Variants in LYST observed in about 807,000 individuals in gnomAD.
LYST encodes lysosomal trafficking regulator.
LYST carries 192 observed loss-of-function variants against 413.6 expected under a neutral mutation model. The ratio of observed to expected loss-of-function variants is 0.46; its 90% CI spans 0.41 to 0.52. The LOEUF is 0.52. Ranked by LOEUF, LYST falls within the 20% of genes least tolerant of loss-of-function variation. The pLI, the probability that LYST is intolerant of heterozygous loss-of-function variation, is 0.00. For synonymous variants in LYST, 1,525 were observed against 1,567.3 expected (o/e 0.97, Z 0.64); for missense variants, 3,815 against 4,499.9 (o/e 0.85, Z 4.35).
At chr1:235,872,809 A>G (rs1388267840) in intron 1 of LYST, among the ~76,000 whole-genome samples, 1 of 152,100 alleles carries the variant, frequency 6.6e-6, no homozygotes, top group Non-Finnish European at 1.5e-5. Context: ...CCAGCTACTC[A>G]GGAGGCTTAG....
chr1:235,661,277 A>G lies in LYST; in HGVS notation c.*1663T>C, dbSNP rs1658028689. ...TATTCTGCATATTTTCTCTTTAGAT[A>G]AATGATGAAATTCGGTTTTTAAAAA... On this transcript the variant is annotated 3_prime_UTR_variant, in exon 53 of 53. Coordinates refer to ENST00000389793, the MANE Select transcript of LYST (RefSeq NM_000081.4). 1 of 152,664 alleles carries G rather than the reference A, an allele frequency of 6.6e-6. No individual in the cohort carries two copies. Among genetic ancestry groups the G allele is most frequent in the South Asian group, 2.1e-4 (1 of 4,838 alleles). 9.5% of individuals were successfully genotyped at this position (152,664 alleles called of 1,614,324 possible).
chr1:235,817,073 C>G (rs1344065057), intron 3 of LYST, among the ~76,000 whole-genome samples: 1 of 152,066 alleles, frequency 6.6e-6, no homozygotes, highest in Non-Finnish European at 1.5e-5. Flanking sequence ...CACGAACAGA[C>G]ACTTTTCAAA....
rs568503546 is a variant in LYST at position 235,662,574 on chromosome 1, C to A, written c.*366G>T. On this transcript the variant is annotated 3_prime_UTR_variant, in exon 53 of 53. Transcript: ENST00000389793. ...TAGTGTGTTTTATATAAACAATCAACCAACCAATTTAAATTCTACTGGTCC... is the reference window on the plus strand; with the variant it reads ...TAGTGTGTTTTATATAAACAATCAAACAACCAATTTAAATTCTACTGGTCC... 146 of 305,044 alleles carry A rather than the reference C, an allele frequency of 4.8e-4. No individual in the cohort carries two copies. Among genetic ancestry groups the A allele is most frequent in the African/African-American group, 3.0e-3 (137 of 45,952 alleles). The allele number at this position is 305,044 out of a possible 1,614,324, so 18.9% of individuals were successfully genotyped here. A position where few individuals can be genotyped will look rare whatever the true frequency, so the allele number is the denominator to read the frequency against.
intron 48 of LYST, among the ~76,000 whole-genome samples, chr1:235,683,361 A>G (rs1485843036): frequency 6.6e-6 from 1 of 152,228 alleles, no homozygotes; most frequent in African/African-American, 2.4e-5. Flanking sequence ...ATAGGTGTTC[A>G]CTTATACGAA....
chr1:235,872,013 G>C (rs1194174122), intron 1 of LYST, among the ~76,000 whole-genome samples: 1 of 152,200 alleles, frequency 6.6e-6, no homozygotes, highest in East Asian at 1.9e-4. Context: ...ACGTAACATG[G>C]GGCCAAGCAC....
intron 52 of LYST, among the ~76,000 whole-genome samples, chr1:235,663,547 C>T (rs1195814995): frequency 6.6e-6 from 1 of 152,164 alleles, no homozygotes; most frequent in East Asian, 1.9e-4. Context: ...ATTTAGTACA[C>T]TGAAAATACA....
chr1:235,673,102 G>T (rs1659081248), intron 50 of LYST, among the ~76,000 whole-genome samples: 1 of 152,088 alleles, frequency 6.6e-6, no homozygotes. Context: ...GCTGAAAAAG[G>T]GTAGACCCAT....
chr1:235,696,642 G>C (rs1661124127), intron 46 of LYST, among the ~76,000 whole-genome samples: 1 of 152,188 alleles, frequency 6.6e-6, no homozygotes, highest in Non-Finnish European at 1.5e-5. Flanking sequence ...TATGTGGGGA[G>C]TCAGAAAAGG....
chr1:235,865,995 T>C lies in LYST; in HGVS notation c.-98+848A>G, dbSNP rs1572499292. Among the ~76,000 whole-genome samples the C allele has an allele frequency of 1.3e-5, 2 of 152,298 alleles. 1 individual carries two copies. The highest frequency in any genetic ancestry group is 6.8e-3 in the Middle Eastern group (2 of 294). ...AACTATCAAGTGCCGTCGCTGGGTGTGTATGGTCTGCCGAGCGGATCGGGG... is the reference window on the plus strand; with the variant it reads ...AACTATCAAGTGCCGTCGCTGGGTGCGTATGGTCTGCCGAGCGGATCGGGG... On this transcript the variant is annotated intron_variant, in intron 1 of 52. Transcript: ENST00000389793.
rs572785387 is a variant in LYST at position 235,830,168 on chromosome 1, T to C, written c.192+58A>G. ...AGAAACTATGTAATCCAAAACCATG[T>C]AGCTACAGTTAACTATCATATATTG... is the stretch of plus-strand genomic sequence containing the variant. On this transcript the variant is annotated intron_variant, in intron 3 of 52. Coordinates refer to ENST00000389793, the MANE Select transcript of LYST (RefSeq NM_000081.4). 14 of 1,298,968 alleles carry C rather than the reference T, an allele frequency of 1.1e-5. No individual in the cohort carries two copies. In the African/African-American group the frequency reaches 1.2e-4, roughly 11 times the overall value. 80.5% of individuals were successfully genotyped at this position (1,298,968 alleles called of 1,614,324 possible). A position where few individuals can be genotyped will look rare whatever the true frequency, so the allele number is the denominator to read the frequency against.
intron 1 of LYST, among the ~76,000 whole-genome samples, chr1:235,876,301 A>C (rs1681135995): frequency 6.6e-6 from 1 of 152,112 alleles, no homozygotes; most frequent in African/African-American, 2.4e-5. Flanking sequence ...AACAAAACAC[A>C]ATCCAATATA....
At chr1:235,857,742 TACACACACACACAC>T (rs56208034) in intron 1 of LYST, among the ~76,000 whole-genome samples, 41 of 129,344 alleles carry the variant, frequency 3.2e-4, no homozygotes, top group South Asian at 5.3e-4. Context: ...CATATGTAAA[TACACACACACACAC>T]ACACACACAC....
chr1:235,754,229 CTTT>C (rs71576486), intron 25 of LYST, among the ~76,000 whole-genome samples: 102 of 86,566 alleles, frequency 1.2e-3, no homozygotes, highest in African/African-American at 3.4e-3. Flanking sequence ...CTTTTCTTTT[CTTT>C]TTTTTTTTTT....
chr1:235,847,319 A>G (rs1038652668), intron 1 of LYST, among the ~76,000 whole-genome samples: 2 of 152,194 alleles, frequency 1.3e-5, no homozygotes. Flanking sequence ...TTTCAGACAA[A>G]CACATGCTGA....
chr1:235,733,400 T>C (rs2103220622), intron 34 of LYST, 103 bp downstream of exon 34: 1 of 986,968 alleles, frequency 1.0e-6, no homozygotes, highest in South Asian at 1.4e-5. Context: ...AATTGTTTAA[T>C]GAAATGATTT....
chr1:235,812,526 A>G (rs1266564872), intron 4 of LYST, among the ~76,000 whole-genome samples: 1 of 151,662 alleles, frequency 6.6e-6, no homozygotes, highest in Non-Finnish European at 1.5e-5. Context: ...AAAAAAAATT[A>G]TACTTTAAAG....
chr1:235,712,139 G>T lies in LYST; in HGVS notation c.9843C>A (p.Leu3281=). ...TFHSTNTTWR[L]SSFESMTDVK... ...CATCAGTCATAGATTCAAAAGATGA[G>T]AGTCGCCAAGTTGTATTTGTAGAAT... The change falls in exon 43 of 53, where the codon CTC becomes CTA. Residue 3281 remains leucine (L), a synonymous_variant. Coordinates refer to ENST00000389793, the MANE Select transcript of LYST (RefSeq NM_000081.4). The T allele has an allele frequency of 6.3e-7, 1 of 1,578,750 alleles. No individual in the cohort carries two copies. Among genetic ancestry groups the T allele is most frequent in the African/African-American group, 1.3e-5 (1 of 74,164 alleles).
At chr1:235,858,522 C>A (rs1679472839) in intron 1 of LYST, among the ~76,000 whole-genome samples, 1 of 152,156 alleles carries the variant, frequency 6.6e-6, no homozygotes. Flanking sequence ...CATCTATGTG[C>A]CAATTTTTCC....
At chr1:235,716,134 T>A (rs1429424945) in intron 41 of LYST, among the ~76,000 whole-genome samples, 1 of 152,198 alleles carries the variant, frequency 6.6e-6, no homozygotes, top group Non-Finnish European at 1.5e-5. Context: ...CATAAAATAA[T>A]GTGATGAATA....
Sources: allele counts gnomAD v4.1 joint callset (sites outside exome capture counted in the v4.1 genomes callset), GRCh38; gene constraint gnomAD v4.1.1; transcripts MANE v1.5; gene names NCBI Gene and HGNC (gene_info 2026-07-23, HGNC 2026-07-21).